The following ASIC2 variants were observed in gnomAD, a reference collection of about 807,000 sequenced individuals.
ASIC2 encodes acid sensing ion channel subunit 2.
Under a neutral mutation model 57.3 loss-of-function variants are expected in ASIC2, and 25 were observed. The observed-to-expected ratio is 0.44, with a 90% CI of 0.32 to 0.61. The LOEUF (loss-of-function observed/expected upper bound fraction) is 0.61, where lower values mean the gene tolerates loss of function less well. Ranked by LOEUF, ASIC2 falls within the 20% of genes least tolerant of loss-of-function variation. The probability of loss-of-function intolerance (pLI) is 0.06; values close to 1 mark genes in which losing one functional copy is unlikely to be tolerated. For missense variants in ASIC2, 641 were observed against 738.1 expected (o/e 0.87, Z 1.52); for synonymous variants, 319 against 307.5 (o/e 1.04, Z -0.39).
At chr17:33,250,721 C>A (rs995315595) in intron 1 of ASIC2, among the ~76,000 whole-genome samples, 1 of 152,120 alleles carries the variant, frequency 6.6e-6, no homozygotes, top group Non-Finnish European at 1.5e-5. Context: ...ATGAAAGATG[C>A]CCTGGTTACA....
intron 1 of ASIC2, among the ~76,000 whole-genome samples, chr17:33,930,906 T>TTTGC (rs1915917386): frequency 7.2e-6 from 1 of 139,154 alleles, no homozygotes. Context: ...TATTTATTTG[T>TTTGC]TTGTTTGTTT....
chr17:33,670,933 C>CT (rs999703135), intron 1 of ASIC2, among the ~76,000 whole-genome samples: 3 of 152,074 alleles, frequency 2.0e-5, no homozygotes, highest in African/African-American at 4.8e-5. Context: ...CTGGAAAATG[C>CT]TTTTTTTGGG....
intron 1 of ASIC2, among the ~76,000 whole-genome samples, chr17:33,503,198 G>C (rs1597754546): frequency 6.6e-6 from 1 of 152,178 alleles, no homozygotes; most frequent in African/African-American, 2.4e-5. Context: ...GGAGATGAGA[G>C]AATGGTGATG....
intron 1 of ASIC2, among the ~76,000 whole-genome samples, chr17:33,706,775 T>C (rs1908875141): frequency 6.6e-6 from 1 of 152,246 alleles, no homozygotes; most frequent in South Asian, 2.1e-4. Flanking sequence ...GTGATTTTCA[T>C]TCTGCCCCCA....
chr17:33,248,449 A>C (rs1341641120), intron 1 of ASIC2, among the ~76,000 whole-genome samples: 1 of 152,244 alleles, frequency 6.6e-6, no homozygotes, highest in African/African-American at 2.4e-5. Context: ...GTTTAAAATA[A>C]TGCAGTAAGA....
At chr17:33,931,831 T>C (rs948221739) in intron 1 of ASIC2, among the ~76,000 whole-genome samples, 1 of 152,174 alleles carries the variant, frequency 6.6e-6, no homozygotes, top group Non-Finnish European at 1.5e-5. Context: ...GTGGAGTGTA[T>C]CTACTCAAAA....
intron 1 of ASIC2, among the ~76,000 whole-genome samples, chr17:33,312,654 G>T (rs1262501558): frequency 2.0e-5 from 3 of 152,160 alleles, no homozygotes; most frequent in African/African-American, 7.2e-5. Flanking sequence ...GTCAGTGTGG[G>T]CCAGGTGCGG....
At chr17:33,133,937 A>T (rs919718458) in intron 1 of ASIC2, among the ~76,000 whole-genome samples, 4 of 152,190 alleles carry the variant, frequency 2.6e-5, no homozygotes, top group African/African-American at 9.6e-5. Context: ...ACAGTCTGGG[A>T]ATTATGCCTC....
At chr17:33,728,646 A>G (rs1367388391) in intron 1 of ASIC2, among the ~76,000 whole-genome samples, 1 of 152,200 alleles carries the variant, frequency 6.6e-6, no homozygotes, top group Non-Finnish European at 1.5e-5. Flanking sequence ...TACTGGGTCT[A>G]TCTAACTATT....
intron 2 of ASIC2, among the ~76,000 whole-genome samples, chr17:33,089,690 T>C (rs1358019885): frequency 6.6e-6 from 1 of 152,236 alleles, no homozygotes; most frequent in Non-Finnish European, 1.5e-5. Context: ...GGTCATGAAC[T>C]GAAGGTGGGG....
chr17:34,147,891 C>G (rs1904354854), intron 1 of ASIC2, among the ~76,000 whole-genome samples: 1 of 152,172 alleles, frequency 6.6e-6, no homozygotes, highest in Non-Finnish European at 1.5e-5. Context: ...CTATGGAGCA[C>G]CACCTCTAAT....
chr17:33,629,029 C>T (rs1056080419), intron 1 of ASIC2, among the ~76,000 whole-genome samples: 7 of 152,162 alleles, frequency 4.6e-5, no homozygotes, highest in African/African-American at 1.7e-4. Context: ...GGCTGACCTC[C>T]GAGGAGTCAC....
At chr17:33,408,227 G>A (rs6505339) in intron 1 of ASIC2, among the ~76,000 whole-genome samples, 26 of 152,178 alleles carry the variant, frequency 1.7e-4, no homozygotes, top group Middle Eastern at 3.4e-3. Context: ...AATAACCAAC[G>A]TTTGTTGCAT....
chr17:34,095,571 C>T (rs1217409799), intron 1 of ASIC2, among the ~76,000 whole-genome samples: 1 of 142,974 alleles, frequency 7.0e-6, no homozygotes, highest in Admixed American at 7.1e-5. Flanking sequence ...TGGTAGGAAC[C>T]AGCCAAGGGA....
intron 1 of ASIC2, among the ~76,000 whole-genome samples, chr17:34,125,155 A>G (rs760457559): frequency 5.9e-5 from 9 of 151,756 alleles, no homozygotes; most frequent in Non-Finnish European, 8.8e-5. Context: ...TGAGACTTGC[A>G]TGCCCTCACC....
rs116217284 is a variant in ASIC2 at position 33,946,740 on chromosome 17, A to G, written c.555+209238T>C. Among the ~76,000 whole-genome samples, 810 of 152,316 alleles carry G rather than the reference A, an allele frequency of 5.3e-3. 12 individuals are homozygous for G. Among genetic ancestry groups the G allele is most frequent in the African/African-American group, 0.019 (778 of 41,576 alleles). ...AGCAACACTAGAAACAGGCAGTTCC[A>G]TGTGGGTCCATTGGGAAGGTGGGGC... is the stretch of plus-strand genomic sequence containing the variant. On this transcript the variant is annotated intron_variant, in intron 1 of 9. Transcript: ENST00000359872.
At chr17:33,818,517 C>T (rs895886613) in intron 1 of ASIC2, among the ~76,000 whole-genome samples, 2 of 152,070 alleles carry the variant, frequency 1.3e-5, no homozygotes, top group African/African-American at 4.8e-5. Context: ...TTCTCAACCT[C>T]AGATGGGGGA....
At chr17:33,820,126 A>G (rs1011112580) in intron 1 of ASIC2, among the ~76,000 whole-genome samples, 5 of 152,220 alleles carry the variant, frequency 3.3e-5, no homozygotes, top group African/African-American at 1.2e-4. Flanking sequence ...ATGTAACTGA[A>G]TATCTGGATT....
chr17:33,418,954 G>A (rs1910953328), intron 1 of ASIC2, among the ~76,000 whole-genome samples: 1 of 151,812 alleles, frequency 6.6e-6, no homozygotes, highest in Admixed American at 6.6e-5. Flanking sequence ...GGCCTGTCAG[G>A]GGTGGGGGGC....
Sources: gnomAD v4.1 joint callset for allele counts (sites outside exome capture counted in the v4.1 genomes callset) on GRCh38, gnomAD v4.1.1 for gene constraint, MANE v1.5 for transcripts, NCBI Gene and HGNC (gene_info 2026-07-23, HGNC 2026-07-21) for gene names.